HS6ST3: variants seen among roughly 807,000 people sequenced by gnomAD.
The protein encoded by HS6ST3 is heparan sulfate 6-O-sulfotransferase 3, also known as heparan-sulfate 6-O-sulfotransferase 3.
In HS6ST3, 12 loss-of-function variants were observed where a neutral mutation model predicts 36.7. The observed-to-expected ratio is 0.33, with a 90% CI of 0.21 to 0.53. The LOEUF (loss-of-function observed/expected upper bound fraction) is 0.53, where lower values mean the gene tolerates loss of function less well. Among genes scored for constraint, HS6ST3 ranks in the 20% least tolerant of loss-of-function variants. The probability of loss-of-function intolerance (pLI) is 0.95; values close to 1 mark genes in which losing one functional copy is unlikely to be tolerated. For missense variants in HS6ST3, 584 were observed against 640.9 expected (o/e 0.91, Z 0.96); for synonymous variants, 240 against 257.5 (o/e 0.93, Z 0.65).
chr13:96,635,129 T>A (rs1205561965), intron 1 of HS6ST3, among the ~76,000 whole-genome samples: 1 of 152,218 alleles, frequency 6.6e-6, no homozygotes, highest in Non-Finnish European at 1.5e-5. Context: ...TCAGTTGGGT[T>A]CCCTATTTTC....
chr13:96,429,153 TA>T (rs1177777554), intron 1 of HS6ST3, among the ~76,000 whole-genome samples: 1 of 152,204 alleles, frequency 6.6e-6, no homozygotes, highest in Non-Finnish European at 1.5e-5. Context: ...CATGAGCTGT[TA>T]AACCAAGGAC....
At chr13:96,463,570 A>G (rs1396441796) in intron 1 of HS6ST3, among the ~76,000 whole-genome samples, 1 of 152,218 alleles carries the variant, frequency 6.6e-6, no homozygotes, top group Non-Finnish European at 1.5e-5. Context: ...CAAATAATAC[A>G]AGACACAAAA....
chr13:96,261,637 A>G (rs1338229884), intron 1 of HS6ST3, among the ~76,000 whole-genome samples: 13 of 152,144 alleles, frequency 8.5e-5, no homozygotes. Context: ...TGCATGAGTC[A>G]CTCAATCTGT....
Position 96,194,498 on chromosome 13 carries a change from A to G in HS6ST3, c.707+102929A>G, listed in dbSNP as rs2139347647. Among the ~76,000 whole-genome samples the G allele has an allele frequency of 1.3e-5, 2 of 152,254 alleles. 1 individual carries two copies. The highest frequency in any genetic ancestry group is 4.1e-4 in the South Asian group (2 of 4,828). The stretch of plus-strand genomic sequence containing the variant: ...TTATTGGAGTGTAATTGACAAAATT[A>G]TATATGTTTAAGATATATGATGTGA... On this transcript the variant is annotated intron_variant, in intron 1 of 1. Transcript: ENST00000376705.
intron 1 of HS6ST3, among the ~76,000 whole-genome samples, chr13:96,627,165 AG>A (rs1418987699): frequency 6.6e-6 from 1 of 152,100 alleles, no homozygotes; most frequent in African/African-American, 2.4e-5. Context: ...GTTTTTATAC[AG>A]CCCCTCTCAA....
chr13:96,608,234 A>G (rs1009852373), intron 1 of HS6ST3, among the ~76,000 whole-genome samples: 2 of 152,240 alleles, frequency 1.3e-5, no homozygotes, highest in African/African-American at 4.8e-5. Context: ...TAAATGAACT[A>G]TACCACTAAG....
intron 1 of HS6ST3, among the ~76,000 whole-genome samples, chr13:96,123,710 T>C (rs2053937456): frequency 1.3e-5 from 2 of 152,194 alleles, no homozygotes; most frequent in African/African-American, 4.8e-5. Context: ...TAAAGCAGCC[T>C]GGAATAAACT....
intron 1 of HS6ST3, among the ~76,000 whole-genome samples, chr13:96,213,013 T>C (rs1288374222): frequency 3.3e-5 from 5 of 152,214 alleles, no homozygotes; most frequent in Admixed American, 2.6e-4. Context: ...TATTGATTTT[T>C]CTATACTGAC....
intron 1 of HS6ST3, among the ~76,000 whole-genome samples, chr13:96,118,713 T>C (rs1208159644): frequency 1.0e-5 from 1 of 100,132 alleles, no homozygotes; most frequent in Non-Finnish European, 1.9e-5. Context: ...TTTTTTTTTT[T>C]TTTTTTTTGA....
chr13:96,305,714 A>G (rs2054908865), intron 1 of HS6ST3, among the ~76,000 whole-genome samples: 1 of 152,208 alleles, frequency 6.6e-6, no homozygotes, highest in South Asian at 2.1e-4. Flanking sequence ...ACTGCAATTT[A>G]CATGTGTCCC....
At chr13:96,747,957 T>C (rs1211826675) in intron 1 of HS6ST3, among the ~76,000 whole-genome samples, 3 of 152,158 alleles carry the variant, frequency 2.0e-5, no homozygotes, top group Non-Finnish European at 4.4e-5. Flanking sequence ...TTCTAATTAA[T>C]GCAAAAATTA....
chr13:96,738,744 A>C (rs1257251362), intron 1 of HS6ST3, among the ~76,000 whole-genome samples: 2 of 152,354 alleles, frequency 1.3e-5, no homozygotes, highest in African/African-American at 4.8e-5. Flanking sequence ...AAACCCAGTT[A>C]CATTTTCCTC....
intron 1 of HS6ST3, among the ~76,000 whole-genome samples, chr13:96,465,522 G>T (rs1167207579): frequency 1.3e-5 from 2 of 152,134 alleles, no homozygotes; most frequent in African/African-American, 4.8e-5. Context: ...TTTACATAAA[G>T]ATACAAAACA....
chr13:96,601,502 TTC>T (rs1252053082), intron 1 of HS6ST3, among the ~76,000 whole-genome samples: 2 of 152,074 alleles, frequency 1.3e-5, no homozygotes, highest in African/African-American at 2.4e-5. Context: ...TCTTTAATGT[TTC>T]TTATTTGTAT....
At chr13:96,246,102 T>C (rs1412936292) in intron 1 of HS6ST3, among the ~76,000 whole-genome samples, 1 of 152,198 alleles carries the variant, frequency 6.6e-6, no homozygotes, top group East Asian at 1.9e-4. Flanking sequence ...TGTATGTAGA[T>C]ACATGAGTGG....
chr13:96,814,992 C>T (rs984342047), intron 1 of HS6ST3, among the ~76,000 whole-genome samples: 7 of 152,056 alleles, frequency 4.6e-5, no homozygotes, highest in Non-Finnish European at 7.4e-5. Context: ...CAGCTAGTGC[C>T]GGTCCCTTCT....
intron 1 of HS6ST3, among the ~76,000 whole-genome samples, chr13:96,277,961 G>T (rs1432319673): frequency 6.6e-6 from 1 of 152,134 alleles, no homozygotes; most frequent in Non-Finnish European, 1.5e-5. Flanking sequence ...AGTCTTCAGT[G>T]CATGAGCTAA....
intron 1 of HS6ST3, among the ~76,000 whole-genome samples, chr13:96,694,413 A>G (rs1317073915): frequency 1.3e-5 from 2 of 152,126 alleles, no homozygotes; most frequent in African/African-American, 2.4e-5. Flanking sequence ...CCAGTCTGCT[A>G]TTGATGGGCA....
At chr13:96,502,949 T>C (rs1212174169) in intron 1 of HS6ST3, among the ~76,000 whole-genome samples, 1 of 152,164 alleles carries the variant, frequency 6.6e-6, no homozygotes, top group African/African-American at 2.4e-5. Context: ...TGCGCTTCCA[T>C]CTGTCAAGTG....
Sources: allele counts gnomAD v4.1 joint callset (sites outside exome capture counted in the v4.1 genomes callset), GRCh38; gene constraint gnomAD v4.1.1; transcripts MANE v1.5; gene names NCBI Gene and HGNC (gene_info 2026-07-23, HGNC 2026-07-21).